Variants in MAPKAP1 observed in about 807,000 individuals in gnomAD.
MAPKAP1 encodes target of rapamycin complex 2 subunit MAPKAP1.
MAPKAP1 carries 20 observed loss-of-function variants against 65.7 expected under a neutral mutation model. The observed-to-expected ratio is 0.30, with a 90% confidence interval of 0.21 to 0.44. The LOEUF is 0.44. Ranked by LOEUF, MAPKAP1 falls within the 20% of genes least tolerant of loss-of-function variation. MAPKAP1 has a pLI of 1.00. For missense variants in MAPKAP1, 423 were observed against 648.0 expected, an observed-to-expected ratio of 0.65 and a Z score of 3.77; for synonymous variants, 222 against 244.3, an observed-to-expected ratio of 0.91 and a Z score of 0.85.
At chr9:125,642,206 A>G (rs78237714) in intron 4 of MAPKAP1, among the ~76,000 whole-genome samples, 1 of 149,554 alleles carries the variant, frequency 6.7e-6, no homozygotes, top group African/African-American at 2.4e-5. Flanking sequence ...CTGTCTCAAG[A>G]AAAAAAAAAG....
intron 4 of MAPKAP1, among the ~76,000 whole-genome samples, chr9:125,652,727 T>C (rs768888461): frequency 5.3e-5 from 8 of 152,114 alleles, no homozygotes; most frequent in Non-Finnish European, 8.8e-5. Context: ...ATCACCAATA[T>C]TGAACCATTT....
intron 4 of MAPKAP1, among the ~76,000 whole-genome samples, chr9:125,616,371 C>G (rs996389582): frequency 7.2e-5 from 11 of 152,118 alleles, no homozygotes; most frequent in South Asian, 6.2e-4. Flanking sequence ...ACATTAAAAA[C>G]AAGAATTTCT....
At chr9:125,575,442 G>A (rs951424138) in intron 5 of MAPKAP1, among the ~76,000 whole-genome samples, 5 of 152,220 alleles carry the variant, frequency 3.3e-5, no homozygotes, top group African/African-American at 1.2e-4. Flanking sequence ...CTAGATGGCT[G>A]AGGTCCTATC....
Position 125,439,126 on chromosome 9 carries a change from G to A in MAPKAP1, c.1444-114C>T. The A allele has an allele frequency of 2.5e-6, 3 of 1,193,186 alleles. No homozygotes were observed. Among genetic ancestry groups the A allele is most frequent in the Admixed American group, 4.8e-5 (2 of 42,070 alleles). 73.9% of individuals were successfully genotyped at this position (1,193,186 alleles called of 1,614,324 possible). A position where few individuals can be genotyped will look rare whatever the true frequency, so the allele number is the denominator to read the frequency against. On this transcript the variant is annotated intron_variant, in intron 11 of 11. Transcript: ENST00000265960. This position sits in a 1 kb window ranked among gnomAD's most constrained non-coding sequence, Gnocchi z 4.0. ...CCTGGGCCGGGTGCCTCAGGGCCAG[G>A]TGCTGTCGTGTGGAAGGAGTCCAGT...
chr9:125,458,522 C>T (rs1853291538), intron 10 of MAPKAP1, among the ~76,000 whole-genome samples: 1 of 152,064 alleles, frequency 6.6e-6, no homozygotes, highest in African/African-American at 2.4e-5. Context: ...TCAGAGAGCA[C>T]AGGGTTGGGG....
intron 4 of MAPKAP1, among the ~76,000 whole-genome samples, chr9:125,656,741 C>T (rs1036193299): frequency 3.9e-5 from 6 of 152,060 alleles, no homozygotes; most frequent in South Asian, 2.1e-4. Flanking sequence ...TCACTCAGCA[C>T]CCCACACCAC....
At chr9:125,693,828 CACATATATAT>C (rs1323748904) in intron 1 of MAPKAP1, among the ~76,000 whole-genome samples, 1 of 109,080 alleles carries the variant, frequency 9.2e-6, no homozygotes, top group Non-Finnish European at 2.0e-5. Context: ...TACACACACA[CACATATATAT>C]ACACACATAC....
chr9:125,542,660 AC>A (rs1362341132), intron 7 of MAPKAP1, among the ~76,000 whole-genome samples: 1 of 152,086 alleles, frequency 6.6e-6, no homozygotes, highest in African/African-American at 2.4e-5. Flanking sequence ...TCCCCATACC[AC>A]AAATATTAGT....
At chr9:125,458,581 T>C (rs999611561) in intron 10 of MAPKAP1, among the ~76,000 whole-genome samples, 55 of 151,982 alleles carry the variant, frequency 3.6e-4, no homozygotes, top group African/African-American at 1.3e-3. Flanking sequence ...TCTTTCTTAG[T>C]ACAGAACAAA....
chr9:125,624,324 G>C (rs1280424139), intron 4 of MAPKAP1, among the ~76,000 whole-genome samples: 1 of 27,824 alleles, frequency 3.6e-5, no homozygotes, highest in Non-Finnish European at 1.1e-4. Flanking sequence ...CGCCCCGTCC[G>C]GGAAGGAGGT....
At chr9:125,537,969 T>C (rs1830121357) in intron 7 of MAPKAP1, among the ~76,000 whole-genome samples, 1 of 152,064 alleles carries the variant, frequency 6.6e-6, no homozygotes, top group African/African-American at 2.4e-5. Context: ...GTGCCCAGGG[T>C]CTCTTCCTGA....
chr9:125,602,772 C>G (rs1168586442), intron 4 of MAPKAP1, among the ~76,000 whole-genome samples: 1 of 152,200 alleles, frequency 6.6e-6, no homozygotes, highest in Non-Finnish European at 1.5e-5. Flanking sequence ...GAGGATCGCT[C>G]ATTCCCTCTT....
At chr9:125,504,497 C>T (rs1343109926) in intron 8 of MAPKAP1, among the ~76,000 whole-genome samples, 11 of 152,070 alleles carry the variant, frequency 7.2e-5, no homozygotes, top group African/African-American at 1.9e-4. Context: ...GCATCCTAGG[C>T]CGGTGTGGTG....
Position 125,692,843 on chromosome 9 carries a change from T to A in MAPKAP1, c.-70+14128A>T, listed in dbSNP as rs550071006. ...TGTAATATAAGTTGATTACATCAAATAGACATCAAATTCCTCATGCAAAAA... is the reference window on the plus strand; with the variant it reads ...TGTAATATAAGTTGATTACATCAAAAAGACATCAAATTCCTCATGCAAAAA... On this transcript the variant is annotated intron_variant, in intron 1 of 11. Transcript: ENST00000265960. 3.3e-5 allele frequency among the ~76,000 whole-genome samples: 5 copies of A among 152,318 alleles called. No homozygotes were observed. In the East Asian group the frequency reaches 9.6e-4, roughly 29 times the overall value.
intron 1 of MAPKAP1, among the ~76,000 whole-genome samples, chr9:125,697,661 T>C (rs1413348893): frequency 6.6e-6 from 1 of 152,196 alleles, no homozygotes; most frequent in Non-Finnish European, 1.5e-5. Flanking sequence ...AACACGAATA[T>C]CTTTCGACAT....
intron 8 of MAPKAP1, among the ~76,000 whole-genome samples, chr9:125,494,171 C>G (rs949613228): frequency 1.3e-5 from 2 of 152,080 alleles, no homozygotes; most frequent in African/African-American, 4.8e-5. Context: ...TTTCCAGAGG[C>G]CTTTTAAGTC....
At chr9:125,557,985 T>C (rs542502673) in intron 6 of MAPKAP1, among the ~76,000 whole-genome samples, 1 of 152,052 alleles carries the variant, frequency 6.6e-6, no homozygotes, top group Non-Finnish European at 1.5e-5. Context: ...GACTCCCGAG[T>C]AGCTGGGATT....
At chr9:125,452,110 G>A (rs547093118) in intron 10 of MAPKAP1, among the ~76,000 whole-genome samples, 4 of 151,338 alleles carry the variant, frequency 2.6e-5, no homozygotes, top group South Asian at 2.1e-4. Context: ...GCACCAGCCC[G>A]TTTTTTTGAG....
chr9:125,706,238 G>A (rs1161288871), intron 1 of MAPKAP1, among the ~76,000 whole-genome samples: 1 of 151,918 alleles, frequency 6.6e-6, no homozygotes, highest in African/African-American at 2.4e-5. Flanking sequence ...GTCAGAGAAT[G>A]AGAACGCTGC....
Sources: allele counts gnomAD v4.1 joint callset (sites outside exome capture counted in the v4.1 genomes callset), GRCh38; gene constraint gnomAD v4.1.1; non-coding constraint Gnocchi (gnomAD v3.1); transcripts MANE v1.5; gene names NCBI Gene and HGNC (gene_info 2026-07-23, HGNC 2026-07-21).